The following EPHA10 variants were observed in gnomAD, a reference collection of about 807,000 sequenced individuals.
The protein encoded by EPHA10 is ephrin type-A receptor 10.
In EPHA10, 120 loss-of-function variants were observed where a neutral mutation model predicts 109.7. The observed-to-expected ratio is 1.09, with a 90% CI of 0.94 to 1.27. The LOEUF is 1.27. EPHA10 is among the 50% of genes most tolerant of loss of function. The pLI is 0.00. For synonymous variants in EPHA10, 640 were observed against 618.9 expected, an observed-to-expected ratio of 1.03 and a Z score of -0.51; for missense variants, 1,396 against 1,411.1, an observed-to-expected ratio of 0.99 and a Z score of 0.17.
intron 14 of EPHA10, 66 bp from the exon 15 acceptor site, chr1:37,719,673 C>A (rs1645754796): frequency 6.6e-7 from 1 of 1,524,916 alleles, no homozygotes; most frequent in African/African-American, 1.4e-5. Flanking sequence ...TGTGTGCACA[C>A]ACACATGCAC....
chr1:37,758,834 C>T (rs935396660), intron 3 of EPHA10, among the ~76,000 whole-genome samples: 2 of 152,172 alleles, frequency 1.3e-5, no homozygotes, highest in African/African-American at 2.4e-5. Context: ...TGGAATGCAC[C>T]GTGGACATCA....
chr1:37,719,855 G>A (rs1038977784), intron 14 of EPHA10, 54 bp downstream of exon 14: 1 of 1,613,210 alleles, frequency 6.2e-7, no homozygotes. Context: ...CAGGAAGCTG[G>A]GGCCTGAGCT....
chr1:37,716,057 C>T lies in EPHA10; in HGVS notation c.*2315G>A. 1 of 539,034 alleles carries T rather than the reference C, an allele frequency of 1.9e-6. No individual in the cohort carries two copies. The highest frequency in any genetic ancestry group is 2.2e-5 in the Admixed American group (1 of 45,112). 33.4% of individuals were successfully genotyped at this position (539,034 alleles called of 1,614,324 possible). A position where few individuals can be genotyped will look rare whatever the true frequency, so the allele number is the denominator to read the frequency against. On this transcript the variant is annotated 3_prime_UTR_variant, in exon 17 of 17. Transcript: ENST00000373048. ...CCAGAAGGAACCCCCTCCGACTGGC[C>T]CCCTCCCTCCCAGGGTGAGCTCAGA...
At position 37,716,407 on chromosome 1, in the gene EPHA10, C is replaced by A. The variant is rs969082634; in HGVS notation, c.*1965G>T. On this transcript the variant is annotated 3_prime_UTR_variant, in exon 17 of 17. Transcript: ENST00000373048. ...ACCCAAGAAGGGATGCTGGTCCAGG[C>A]TTCCCAGGAGGGGTGGGGAAGGCGG... 5.5e-5 allele frequency: 13 copies of A among 235,122 alleles called. No homozygotes were observed. In the East Asian group the frequency reaches 6.7e-4, roughly 12 times the overall value. The allele number at this position is 235,122 out of a possible 1,614,324, so 14.6% of individuals were successfully genotyped here.
rs922797569 is a variant in EPHA10 at position 37,761,687 on chromosome 1, G to A, written c.568C>T (p.Leu190=). Reference sequence around the variant, plus strand: ...CATGCGCCCACGTCCTGAAAGGCCAGGTGGAAACCCCGCCGGCTGAGCGGT... The same window carrying A: ...CATGCGCCCACGTCCTGAAAGGCCAAGTGGAAACCCCGCCGGCTGAGCGGT... ...IGPLSRRGFH[L]AFQDVGACVA... Residue 190 remains leucine (L), a synonymous_variant, in exon 3 of 17, where the codon CTG becomes TTG. Transcript: ENST00000373048. 6.2e-7 allele frequency: 1 copy of A among 1,612,430 alleles called. No homozygotes were observed. Among genetic ancestry groups the A allele is most frequent in the East Asian group, 2.2e-5 (1 of 44,836 alleles).
chr1:37,751,248 A>G (rs867270993), intron 5 of EPHA10, among the ~76,000 whole-genome samples: 1 of 150,056 alleles, frequency 6.7e-6, no homozygotes, highest in Non-Finnish European at 1.5e-5. Flanking sequence ...AAAAGAAAAA[A>G]AAAAAAGAAA....
Position 37,723,484 on chromosome 1 carries a change from G to T in EPHA10, c.1773-112C>A, listed in dbSNP as rs1025599977. 3.3e-6 allele frequency: 4 copies of T among 1,210,672 alleles called. No homozygotes were observed. In the African/African-American group the frequency reaches 6.1e-5, roughly 19 times the overall value. 75.0% of individuals were successfully genotyped at this position (1,210,672 alleles called of 1,614,324 possible). A position where few individuals can be genotyped will look rare whatever the true frequency, so the allele number is the denominator to read the frequency against. On this transcript the variant is annotated intron_variant, in intron 8 of 16. Transcript: ENST00000373048. The stretch of plus-strand genomic sequence containing the variant: ...CTTCAAAAGACAAGGCCTGTGCCCT[G>T]GGGGAGGGAACTTCTTGTCCAGCTG...
intron 5 of EPHA10, among the ~76,000 whole-genome samples, chr1:37,746,348 C>T (rs1019657572): frequency 1.3e-5 from 2 of 152,034 alleles, no homozygotes; most frequent in South Asian, 2.1e-4. Flanking sequence ...CCACCCACTT[C>T]GGCCTCCCAA....
intron 6 of EPHA10, among the ~76,000 whole-genome samples, chr1:37,732,895 T>TTTTTTTTTTTTTG (rs1646010882): frequency 1.1e-5 from 1 of 93,360 alleles, no homozygotes; most frequent in African/African-American, 4.0e-5. Flanking sequence ...TTTTTTTTTT[T>TTTTTTTTTTTTTG]TTTTTTTTTT....
rs985226480 is a variant in EPHA10, at chr1:37,717,882, G to A, written c.*490C>T. 1.7e-5 allele frequency: 4 copies of A among 239,308 alleles called. No individual in the cohort carries two copies. Among genetic ancestry groups the A allele is most frequent in the African/African-American group, 4.4e-5 (2 of 45,312 alleles). The allele number at this position is 239,308 out of a possible 1,614,324, so 14.8% of individuals were successfully genotyped here. A position where few individuals can be genotyped will look rare whatever the true frequency, so the allele number is the denominator to read the frequency against. ...TGGATGCACCTCTGGCCCAGCCCCC[G>A]ACGCCTGAGCCACCAGGCAGCTGCA... On this transcript the variant is annotated 3_prime_UTR_variant, in exon 17 of 17. Coordinates refer to ENST00000373048, the MANE Select transcript of EPHA10 (RefSeq NM_001099439.2).
chr1:37,762,002 C>T lies in EPHA10; in HGVS notation c.253G>A (p.Asp85Asn), dbSNP rs1370520570. Reference sequence around the variant, plus strand: ...ATCCAGCCAGTCTGCAGCCAGTTGTCCTGGTTGGGCTCCAGCACATTGCAC... The same window carrying T: ...ATCCAGCCAGTCTGCAGCCAGTTGTTCTGGTTGGGCTCCAGCACATTGCAC... ...QVCNVLEPNQ[D>N]NWLQTGWISR... Residue 85 changes from aspartate (D) to asparagine (N), a missense_variant, in exon 3 of 17, where the codon GAC (aspartate) becomes AAC (asparagine). Asp to Asn is a conservative substitution (Grantham distance 23). Transcript: ENST00000373048. 1 of 1,614,192 alleles carries T rather than the reference C, an allele frequency of 6.2e-7. No individual in the cohort carries two copies. The highest frequency in any genetic ancestry group is 8.5e-7 in the Non-Finnish European group (1 of 1,180,024).
intron 8 of EPHA10, among the ~76,000 whole-genome samples, chr1:37,724,308 A>C (rs1645851602): frequency 6.6e-6 from 1 of 152,142 alleles, no homozygotes; most frequent in Non-Finnish European, 1.5e-5. Context: ...TCACATTTAG[A>C]CATCTGAGTT....
chr1:37,723,016 A>G, intron 10 of EPHA10, 25 bp downstream of exon 10: 2 of 1,613,882 alleles, frequency 1.2e-6, no homozygotes, highest in Non-Finnish European at 8.5e-7. Context: ...AGATGGGGAC[A>G]AGGCTTCCTG....
intron 6 of EPHA10, among the ~76,000 whole-genome samples, chr1:37,733,818 T>C (rs1182301876): frequency 3.3e-5 from 5 of 151,420 alleles, no homozygotes; most frequent in African/African-American, 7.3e-5. Context: ...CTCTCTCTCT[T>C]TCTCTCCCTT....
chr1:37,761,669 C>T lies in EPHA10; in HGVS notation c.586G>A (p.Gly196Ser). 6.2e-7 allele frequency: 1 copy of T among 1,610,602 alleles called. No homozygotes were observed. Among genetic ancestry groups the T allele is most frequent in the East Asian group, 2.2e-5 (1 of 44,858 alleles). ...RGFHLAFQDV[G>S]ACVALVSVRV... ...ACCGAGACAAGCGCCACGCATGCGC[C>T]CACGTCCTGAAAGGCCAGGTGGAAA... The change falls in exon 3 of 17, where the codon GGC becomes AGC. Residue 196 changes from glycine to serine, a missense_variant. Physicochemically the swap from Gly to Ser is moderately conservative, Grantham distance 56 (BLOSUM62 0). Coordinates refer to ENST00000373048, the MANE Select transcript of EPHA10 (RefSeq NM_001099439.2).
At position 37,761,513 on chromosome 1, in the gene EPHA10, G is replaced by T; in HGVS notation, c.742C>A (p.Pro248Thr). The change falls in exon 3 of 17, where the codon CCT becomes ACT. Residue 248 changes from proline (P) to threonine (T), a missense_variant. Physicochemically the swap from Pro to Thr is conservative, Grantham distance 38 (BLOSUM62 -1). Transcript: ENST00000373048. ...CAGTGCATGCGTGGGGGGCTGCCAG[G>T]CTCCCCTTCCGAGTGCGCCACGCAC... ...GTCVAHSEGE[P>T]GSPPRMHCGA... is the part of the protein sequence containing the mutation. 2 of 1,599,504 alleles carry T rather than the reference G, an allele frequency of 1.3e-6. No homozygotes were observed. Among genetic ancestry groups the T allele is most frequent in the South Asian group, 2.2e-5 (2 of 90,774 alleles).
intron 2 of EPHA10, 82 bp downstream of exon 2, chr1:37,762,703 A>T: frequency 7.7e-7 from 1 of 1,294,344 alleles, no homozygotes; most frequent in Non-Finnish European, 1.0e-6. Flanking sequence ...CTTTTGTCTG[A>T]TGTAAACATG....
chr1:37,759,420 A>G (rs1040091909), intron 3 of EPHA10, among the ~76,000 whole-genome samples: 10 of 152,056 alleles, frequency 6.6e-5, no homozygotes, highest in Non-Finnish European at 1.3e-4. Flanking sequence ...CTGCCTGGGA[A>G]AAAAAAACCT....
At chr1:37,748,038 C>T (rs1355677770) in intron 5 of EPHA10, among the ~76,000 whole-genome samples, 4 of 152,098 alleles carry the variant, frequency 2.6e-5, no homozygotes, top group African/African-American at 9.7e-5. Flanking sequence ...ATTTATAAAA[C>T]TGATCAAGAC....
Sources: gnomAD v4.1 joint callset for allele counts (sites outside exome capture counted in the v4.1 genomes callset) on GRCh38, gnomAD v4.1.1 for gene constraint, MANE v1.5 for transcripts, NCBI Gene and HGNC (gene_info 2026-07-23, HGNC 2026-07-21) for gene names.